Variants in DMXL2 observed in about 807,000 individuals in gnomAD.
DMXL2 encodes the protein dmX-like protein 2.
Under a neutral mutation model 331.1 loss-of-function variants are expected in DMXL2, and 103 were observed. The ratio of observed to expected loss-of-function variants is 0.31; its 90% CI spans 0.27 to 0.37. The LOEUF (loss-of-function observed/expected upper bound fraction) is 0.37, where lower values mean the gene tolerates loss of function less well. Ranked by LOEUF, DMXL2 falls within the 10% of genes least tolerant of loss-of-function variation. The pLI is 1.00. For synonymous variants in DMXL2, 1,281 were observed against 1,252.1 expected (o/e 1.02, Z -0.49); for missense variants, 3,171 against 3,642.9 (o/e 0.87, Z 3.33).
chr15:51,615,658 T>C (rs2054242042), intron 1 of DMXL2, among the ~76,000 whole-genome samples: 2 of 152,196 alleles, frequency 1.3e-5, no homozygotes, highest in South Asian at 2.1e-4. Flanking sequence ...ACATTGGTTA[T>C]TCATCCACAT....
chr15:51,481,227 T>C lies in DMXL2; in HGVS notation c.5879A>G (p.Tyr1960Cys), dbSNP rs765521384. The C allele has an allele frequency of 2.5e-6, 4 of 1,614,018 alleles. 1 individual carries two copies. Among genetic ancestry groups the C allele is most frequent in the South Asian group, 2.2e-5 (2 of 91,034 alleles). Residue 1960 changes from tyrosine to cysteine, a missense_variant, in exon 24 of 44, where the codon TAT (tyrosine) becomes TGT (cysteine). By Grantham distance (194) the Tyr-to-Cys change is radical (BLOSUM62 -2). Around this residue, in one of 7 missense-constraint regions of DMXL2, gnomAD observed 244 missense variants for 251.4 expected, o/e 0.97. Transcript: ENST00000560891. ...IEWSNVTSSQ[Y>C]DWSQPIVKVD... ...TTTTACTATTGGCTGACTCCAGTCA[T>C]ACTGTGATGAAGTTACATTTGACCA...
intron 6 of DMXL2, among the ~76,000 whole-genome samples, chr15:51,562,720 A>T (rs2050045651): frequency 6.6e-6 from 1 of 152,240 alleles, no homozygotes; most frequent in Admixed American, 6.5e-5. Context: ...AATAATCTGT[A>T]CAATCTTAAT....
chr15:51,504,255 G>A (rs762529574), intron 16 of DMXL2, among the ~76,000 whole-genome samples: 1 of 152,188 alleles, frequency 6.6e-6, no homozygotes, highest in African/African-American at 2.4e-5. Flanking sequence ...AGAGAGCTTA[G>A]TGATTTTCCT....
rs768402064 is a variant in DMXL2 at position 51,565,175 on chromosome 15, C to A, written c.286-9G>T. The A allele has an allele frequency of 6.5e-7, 1 of 1,545,118 alleles. No individual in the cohort carries two copies. The highest frequency in any genetic ancestry group is 8.7e-7 in the Non-Finnish European group (1 of 1,148,444). Reference sequence around the variant, plus strand: ...CACTGGCACTTGAGTTGCTGAAATACGTAGACAAAAAGAAATAAGAAAAAA... The same window carrying A: ...CACTGGCACTTGAGTTGCTGAAATAAGTAGACAAAAAGAAATAAGAAAAAA... On this transcript the variant is annotated splice_polypyrimidine_tract_variant and intron_variant, in intron 3 of 43. Coordinates refer to ENST00000560891, the MANE Select transcript of DMXL2 (RefSeq NM_001378457.1).
intron 1 of DMXL2, among the ~76,000 whole-genome samples, chr15:51,618,039 T>C (rs148287258): frequency 1.3e-5 from 2 of 152,278 alleles, no homozygotes; most frequent in Non-Finnish European, 2.9e-5. Context: ...AGAAAACAAG[T>C]CCATTCTAAA....
chr15:51,560,055 T>C (rs2049854998), intron 6 of DMXL2, among the ~76,000 whole-genome samples: 2 of 152,204 alleles, frequency 1.3e-5, no homozygotes. Flanking sequence ...GGAAAAAGAA[T>C]GAACTATTCA....
At chr15:51,507,274 A>C (rs1262390196) in intron 15 of DMXL2, 21 bp from the exon 16 acceptor site, 1 of 1,593,940 alleles carries the variant, frequency 6.3e-7, no homozygotes, top group African/African-American at 1.4e-5. Flanking sequence ...AAGGAAAAGG[A>C]TATTTAAATT....
chr15:51,504,326 C>T (rs1384160536), intron 16 of DMXL2, among the ~76,000 whole-genome samples: 2 of 152,126 alleles, frequency 1.3e-5, no homozygotes, highest in Non-Finnish European at 2.9e-5. Context: ...CTATCAAGTA[C>T]TCAAATCAGA....
Position 51,498,854 on chromosome 15 carries a change from T to G in DMXL2, c.4370A>C (p.Glu1457Ala), listed in dbSNP as rs1389956250. Residue 1457 changes from glutamate to alanine, a missense_variant, in exon 18 of 44, where the codon GAA (glutamate) becomes GCA (alanine). By Grantham distance (107) the Glu-to-Ala change is moderately radical (BLOSUM62 -1). This residue lies in a region of DMXL2 where 1,674 missense variants were observed against 1,780.2 expected (regional missense o/e 0.94). Transcript: ENST00000560891. ...CTCTGGTTGACTTACTGTCTGATCT[T>G]CATAGCTCTGTGGTATCTTTGTACT... is the stretch of plus-strand genomic sequence containing the variant. ...EESTKIPQSY[E>A]DQTVSQPEDQ... The G allele has an allele frequency of 6.2e-7, 1 of 1,614,188 alleles. No homozygotes were observed. The highest frequency in any genetic ancestry group is 1.1e-5 in the South Asian group (1 of 91,078).
At position 51,498,697 on chromosome 15, in the gene DMXL2, T is replaced by A. The variant is rs776223641; in HGVS notation, c.4527A>T (p.Glu1509Asp). The change falls in exon 18 of 44, where the codon GAA (glutamate) becomes GAT (aspartate). Residue 1509 changes from glutamate (E) to aspartate (D), a missense_variant. Coordinates refer to ENST00000560891, the MANE Select transcript of DMXL2 (RefSeq NM_001378457.1). Reference protein sequence around the residue: ...SQYGPAYFGQEHARVLSSHLM... With the variant: ...SQYGPAYFGQDHARVLSSHLM... ...GATGACTTGAAAGTACCCTTGCATG[T>A]TCTTGGCCAAAGTAAGCTGGTCCAT... is the stretch of plus-strand genomic sequence containing the variant. 6.2e-7 allele frequency: 1 copy of A among 1,614,182 alleles called. No homozygotes were observed. The highest frequency in any genetic ancestry group is 1.1e-5 in the South Asian group (1 of 91,086).
At chr15:51,497,112 G>C (rs1207069078) in intron 18 of DMXL2, among the ~76,000 whole-genome samples, 1 of 152,174 alleles carries the variant, frequency 6.6e-6, no homozygotes, top group African/African-American at 2.4e-5. Flanking sequence ...GCTTAAGGTT[G>C]TTCTGGGAAG....
rs2040296762 is a variant in DMXL2 at position 51,463,413 on chromosome 15, C to T, written c.7892G>A (p.Arg2631Lys). Residue 2631 changes from arginine to lysine, a missense_variant, in exon 33 of 44, where the codon AGA (arginine) becomes AAA (lysine). By Grantham distance (26) the Arg-to-Lys change is conservative. Coordinates refer to ENST00000560891, the MANE Select transcript of DMXL2 (RefSeq NM_001378457.1). Reference protein sequence around the residue: ...KQEVLQETFIRYIFTKKRKQS... With the variant: ...KQEVLQETFIKYIFTKKRKQS... ...CTTTCTTTTCTTAGTGAAAATATAT[C>T]TAATAAATGTCTCTTGAAGGACCTC... is the stretch of plus-strand genomic sequence containing the variant. 6.3e-7 allele frequency: 1 copy of T among 1,588,260 alleles called. No individual in the cohort carries two copies. The highest frequency in any genetic ancestry group is 8.6e-7 in the Non-Finnish European group (1 of 1,166,904).
chr15:51,453,524 C>A (rs2141195173), intron 41 of DMXL2, 26 bp downstream of exon 41: 2 of 1,537,256 alleles, frequency 1.3e-6, no homozygotes, highest in East Asian at 4.7e-5. Flanking sequence ...TTTTATATTT[C>A]TTACTTTGCT....
At position 51,537,698 on chromosome 15, in the gene DMXL2, T is replaced by C; in HGVS notation, c.1407A>G (p.Glu469=). 6.2e-7 allele frequency: 1 copy of C among 1,613,876 alleles called. No homozygotes were observed. The change falls in exon 11 of 44, where the codon GAA becomes GAG. Residue 469 remains glutamate, a synonymous_variant. Transcript: ENST00000560891. ...GTGSSEHEDG[E]REGSPRTYSR... is the part of the protein sequence containing the mutation. ...AGTAAGTTCTAGGACTTCCTTCTCT[T>C]TCTCCATCTTCATGTTCTGATGATC...
rs867156863 is a variant in DMXL2 at position 51,521,458 on chromosome 15, A to G, written c.2437-4291T>C. ...TAGTAGTAGTAGTAGTAGTAGTAGTAGTAGTGGTAGTGGTAGTAGTAGTAG... is the reference window on the plus strand; with the variant it reads ...TAGTAGTAGTAGTAGTAGTAGTAGTGGTAGTGGTAGTGGTAGTAGTAGTAG... On this transcript the variant is annotated intron_variant, in intron 13 of 43. Transcript: ENST00000560891. Among the ~76,000 whole-genome samples the G allele has an allele frequency of 4.4e-3, 647 of 146,590 alleles. 8 individuals are homozygous for G. Among genetic ancestry groups the G allele is most frequent in the African/African-American group, 0.015 (593 of 38,506 alleles).
rs1317454850 is a variant in DMXL2 at position 51,622,492 on chromosome 15, G to A, written c.54C>T (p.Tyr18=). 91 of 1,569,732 alleles carry A rather than the reference G, an allele frequency of 5.8e-5. No homozygotes were observed. Among genetic ancestry groups the A allele is most frequent in the Non-Finnish European group, 7.8e-5 (90 of 1,156,942 alleles). Residue 18 remains tyrosine (Y), a synonymous_variant, in exon 1 of 44, where the codon TAC becomes TAT. Coordinates refer to ENST00000560891, the MANE Select transcript of DMXL2 (RefSeq NM_001378457.1). ...GGACATCCCCGACGCTGCCCACGGAGTAGCAGTTGTCTCCAGGGTTGACAG... is the reference window on the plus strand; with the variant it reads ...GGACATCCCCGACGCTGCCCACGGAATAGCAGTTGTCTCCAGGGTTGACAG... ...TGAVNPGDNC[Y]SVGSVGDVPF...
chr15:51,536,838 C>T lies in DMXL2; in HGVS notation c.1642G>A (p.Val548Ile), dbSNP rs748961831. The T allele has an allele frequency of 3.1e-6, 5 of 1,604,970 alleles. No individual in the cohort carries two copies. The African/African-American group carries it at 6.7e-5, about 22-fold the overall frequency. Reference sequence around the variant, plus strand: ...CTTGCATCACCAGAGGGAAATGCAACAGGAATCCGAGAAGAAAAAGAAACC... The same window carrying T: ...CTTGCATCACCAGAGGGAAATGCAATAGGAATCCGAGAAGAAAAAGAAACC... ...VQVSFSSRIP[V>I]AFPSGDASSL... Residue 548 changes from valine (V) to isoleucine (I), a missense_variant, in exon 12 of 44, where the codon GTT (valine) becomes ATT (isoleucine). Coordinates refer to ENST00000560891, the MANE Select transcript of DMXL2 (RefSeq NM_001378457.1).
rs201139749 is a variant in DMXL2, at chr15:51,491,784, G to GT, written c.4784-38dup. The GT allele has an allele frequency of 6.0e-4, 933 of 1,544,882 alleles. 7 individuals are homozygous for GT. The African/African-American group carries it at 0.012, about 20-fold the overall frequency. On this transcript the variant is annotated intron_variant, in intron 19 of 43. Transcript: ENST00000560891. ...ATATAAAATAATAATCTGCGTAACTGTATCAAATAAGAAGAAAAACAATTT... is the reference window on the plus strand; with the variant it reads ...ATATAAAATAATAATCTGCGTAACTGTTATCAAATAAGAAGAAAAACAATTT...
chr15:51,599,296 C>A (rs888706278), intron 1 of DMXL2, among the ~76,000 whole-genome samples: 1 of 152,122 alleles, frequency 6.6e-6, no homozygotes, highest in African/African-American at 2.4e-5. Flanking sequence ...TTTTAGTGGA[C>A]AAAGGTATTT....
Sources: gnomAD v4.1 joint callset for allele counts (sites outside exome capture counted in the v4.1 genomes callset) on GRCh38, gnomAD v4.1.1 for gene constraint, gnomAD v4.1.1 regional missense constraint, MANE v1.5 for transcripts, NCBI Gene and HGNC (gene_info 2026-07-23, HGNC 2026-07-21) for gene names.